DNAH14: variants seen among roughly 807,000 people sequenced by gnomAD.
The protein encoded by DNAH14 is axonemal beta dynein heavy chain 14.
In DNAH14, 478 loss-of-function variants were observed where a neutral mutation model predicts 520.9. The ratio of observed to expected loss-of-function variants is 0.92; its 90% confidence interval spans 0.85 to 0.99. The LOEUF is 0.99. Among genes scored for constraint, DNAH14 ranks in the 50% least tolerant of loss-of-function variants. DNAH14 has a pLI of 0.00. For missense variants in DNAH14, 4,831 were observed against 5,234.5 expected, an observed-to-expected ratio of 0.92 and a Z score of 2.38; for synonymous variants, 1,581 against 1,757.2, an observed-to-expected ratio of 0.90 and a Z score of 2.51.
chr1:224,991,081 G>C (rs972169494), intron 8 of DNAH14, among the ~76,000 whole-genome samples: 1 of 107,566 alleles, frequency 9.3e-6, no homozygotes, highest in Non-Finnish European at 1.8e-5. Flanking sequence ...TAGTGATGTT[G>C]AGCTTTTTTT....
intron 28 of DNAH14, among the ~76,000 whole-genome samples, chr1:225,143,346 T>G (rs2079619137): frequency 6.6e-6 from 1 of 152,212 alleles, no homozygotes; most frequent in Non-Finnish European, 1.5e-5. Context: ...CTCTTGTGGA[T>G]ATATGCTCTC....
intron 1 of DNAH14, among the ~76,000 whole-genome samples, chr1:224,934,845 A>G (rs564976745): frequency 1.3e-4 from 20 of 152,068 alleles, no homozygotes; most frequent in South Asian, 1.0e-3. Flanking sequence ...CAGAAACCTT[A>G]CAGGCTAGAA....
At chr1:225,205,838 A>G in intron 39 of DNAH14, 133 bp from the exon 40 acceptor site, 1 of 678,662 alleles carries the variant, frequency 1.5e-6, no homozygotes, top group East Asian at 2.7e-5. Context: ...ATATAAACAC[A>G]TTCACTCTAG....
chr1:225,243,054 C>T (rs2092063269), intron 43 of DNAH14, among the ~76,000 whole-genome samples: 1 of 152,144 alleles, frequency 6.6e-6, no homozygotes, highest in Admixed American at 6.5e-5. Context: ...AACCTTTAAT[C>T]CAAAAGCATT....
intron 78 of DNAH14, among the ~76,000 whole-genome samples, chr1:225,376,412 G>A (rs1000626208): frequency 6.6e-6 from 1 of 152,096 alleles, no homozygotes. Flanking sequence ...GGGCGACAGA[G>A]CAAGACTCCA....
rs759113598 is a variant in DNAH14, at chr1:225,392,155, C to T, written c.13331-136C>T. 9 of 1,132,418 alleles carry T rather than the reference C, an allele frequency of 7.9e-6. 1 individual carries two copies. In the Admixed American group the frequency reaches 1.4e-4, roughly 17 times the overall value. 70.1% of individuals were successfully genotyped at this position (1,132,418 alleles called of 1,614,324 possible). On this transcript the variant is annotated intron_variant, in intron 83 of 85. Coordinates refer to ENST00000682510, the MANE Select transcript of DNAH14 (RefSeq NM_001367479.1). ...GGTGGGTGAACTGGTCCTCTGCTCC[C>T]GCCCAGCCCATCTCTTTTGTTCTCT...
chr1:225,304,985 A>G lies in DNAH14; in HGVS notation c.8901A>G (p.Glu2967=). 6.5e-7 allele frequency: 1 copy of G among 1,547,132 alleles called. No homozygotes were observed. The highest frequency in any genetic ancestry group is 8.7e-7 in the Non-Finnish European group (1 of 1,146,022). The change falls in exon 58 of 86, where the codon GAA becomes GAG. Residue 2967 remains glutamate (E), a synonymous_variant. Coordinates refer to ENST00000682510, the MANE Select transcript of DNAH14 (RefSeq NM_001367479.1). ...AAGACTTGAACAGAAAATACTTTGA[A>G]GAAACTGGAAGATTTTATTATACCA... The part of the protein sequence containing the change: ...SMKDLNRKYF[E]ETGRFYYTTP...
At position 225,290,060 on chromosome 1, in the gene DNAH14, T is replaced by C. The variant is rs1230564463; in HGVS notation, c.8447T>C (p.Val2816Ala). ...GLKGKPTVLM[V>A]PNLNIEQDSF... ...AAAGGGAAACCCACTGTTCTGATGG[T>C]TCCCAATTTAAACATAGAACAAGTA... The change falls in exon 55 of 86, where the codon GTT becomes GCT. Residue 2816 changes from valine to alanine, a missense_variant. By Grantham distance (64) the Val-to-Ala change is moderately conservative (BLOSUM62 0). Coordinates refer to ENST00000682510, the MANE Select transcript of DNAH14 (RefSeq NM_001367479.1). 6.1e-6 allele frequency: 9 copies of C among 1,486,912 alleles called. No homozygotes were observed. Among genetic ancestry groups the C allele is most frequent in the Non-Finnish European group, 1.8e-6 (2 of 1,113,766 alleles). The allele number at this position is 1,486,912 out of a possible 1,614,324, so 92.1% of individuals were successfully genotyped here. A position where few individuals can be genotyped will look rare whatever the true frequency, so the allele number is the denominator to read the frequency against.
chr1:225,087,456 C>T (rs1417375527), intron 21 of DNAH14, among the ~76,000 whole-genome samples: 2 of 152,324 alleles, frequency 1.3e-5, no homozygotes, highest in East Asian at 3.9e-4. Flanking sequence ...CAAACCACAG[C>T]ACCGGCTTGC....
intron 27 of DNAH14, among the ~76,000 whole-genome samples, chr1:225,135,092 T>A (rs1413139297): frequency 1.3e-5 from 2 of 152,062 alleles, no homozygotes; most frequent in Non-Finnish European, 2.9e-5. Flanking sequence ...AAATGGTGTA[T>A]CTATTTTTTT....
chr1:225,378,554 T>C (rs2095734422), intron 79 of DNAH14, among the ~76,000 whole-genome samples: 1 of 152,166 alleles, frequency 6.6e-6, no homozygotes, highest in Non-Finnish European at 1.5e-5. Context: ...AAGGATAATA[T>C]TCATTTGACT....
At chr1:225,149,358 A>T (rs555997826) in intron 31 of DNAH14, among the ~76,000 whole-genome samples, 1 of 152,282 alleles carries the variant, frequency 6.6e-6, no homozygotes. Context: ...GAAGTTGGGT[A>T]ATGTGATGCT....
chr1:224,939,174 T>C (rs181003399), intron 1 of DNAH14, among the ~76,000 whole-genome samples: 1 of 152,246 alleles, frequency 6.6e-6, no homozygotes, highest in African/African-American at 2.4e-5. Context: ...AATACTTGAC[T>C]GACAGTTATT....
chr1:225,255,134 G>C (rs2092691753), intron 44 of DNAH14, among the ~76,000 whole-genome samples: 1 of 152,152 alleles, frequency 6.6e-6, no homozygotes, highest in African/African-American at 2.4e-5. Flanking sequence ...TCATGGGCAG[G>C]GGGTAGTTAT....
chr1:225,126,564 C>T (rs1201665170), intron 27 of DNAH14, among the ~76,000 whole-genome samples: 1 of 152,120 alleles, frequency 6.6e-6, no homozygotes, highest in African/African-American at 2.4e-5. Flanking sequence ...TCCCCTTTAT[C>T]ATTTTTTATT....
chr1:224,944,805 A>C (rs1326461331), intron 1 of DNAH14, among the ~76,000 whole-genome samples: 1 of 152,208 alleles, frequency 6.6e-6, no homozygotes, highest in East Asian at 1.9e-4. Flanking sequence ...TTCTTTAAGA[A>C]TGTTAAATAT....
chr1:225,364,811 A>G lies in DNAH14; in HGVS notation c.12007A>G (p.Thr4003Ala), dbSNP rs2095533113. Residue 4003 changes from threonine (T) to alanine (A), a missense_variant, in exon 76 of 86, where the codon ACA (threonine) becomes GCA (alanine). Physicochemically the swap from Thr to Ala is moderately conservative, Grantham distance 58. Transcript: ENST00000682510. ...TTGCAGTTTTAATAGTCCAAACGTG[A>G]CAATAGACCCTGAGTTTCGGCTATG... ...IVESFNSPNV[T>A]IDPEFRLWLS... 2 of 1,547,028 alleles carry G rather than the reference A, an allele frequency of 1.3e-6. No homozygotes were observed. Among genetic ancestry groups the G allele is most frequent in the African/African-American group, 1.4e-5 (1 of 72,896 alleles).
At position 225,147,087 on chromosome 1, in the gene DNAH14, C is replaced by CT. The variant is rs372852253; in HGVS notation, c.4795-6dup. 19,350 of 1,111,188 alleles carry CT rather than the reference C, an allele frequency of 0.017. No homozygotes were observed. The highest frequency in any genetic ancestry group is 0.024 in the South Asian group (1,367 of 56,590). The allele number at this position is 1,111,188 out of a possible 1,614,324, so 68.8% of individuals were successfully genotyped here. Reference sequence around the variant, plus strand: ...TTATAATAATTTTAGTAATCAATCTCTTTTTTTTTTTAAAAGATAGTGAGA... The same window carrying CT: ...TTATAATAATTTTAGTAATCAATCTCTTTTTTTTTTTTAAAAGATAGTGAGA... On this transcript the variant is annotated splice_polypyrimidine_tract_variant and intron_variant, in intron 30 of 85. Transcript: ENST00000682510.
intron 17 of DNAH14, among the ~76,000 whole-genome samples, chr1:225,058,283 A>T (rs1572759569): frequency 6.6e-6 from 1 of 152,124 alleles, no homozygotes; most frequent in Non-Finnish European, 1.5e-5. Flanking sequence ...CAAGGAATTT[A>T]TCCATTTCTT....
Sources: gnomAD v4.1 joint callset for allele counts (sites outside exome capture counted in the v4.1 genomes callset) on GRCh38, gnomAD v4.1.1 for gene constraint, MANE v1.5 for transcripts, NCBI Gene and HGNC (gene_info 2026-07-23, HGNC 2026-07-21) for gene names.